Variants in GON4L observed in about 807,000 individuals in gnomAD.
GON4L encodes the protein gon-4 like, also known as GON-4-like protein.
A neutral mutation model predicts 211.8 loss-of-function variants in GON4L; 87 were observed. The ratio of observed to expected loss-of-function variants is 0.41; its 90% CI spans 0.35 to 0.49. The LOEUF (loss-of-function observed/expected upper bound fraction) is 0.49. Among genes scored for constraint, GON4L ranks in the 20% least tolerant of loss-of-function variants. The probability of loss-of-function intolerance (pLI) is 0.15; values close to 1 mark genes in which losing one functional copy is unlikely to be tolerated. For missense variants in GON4L, 2,155 were observed against 2,659.5 expected (o/e 0.81, Z 4.17); for synonymous variants, 875 against 962.6 (o/e 0.91, Z 1.68).
At chr1:155,752,692 A>G in intron 29 of GON4L, 102 bp from the exon 30 acceptor site, 1 of 1,526,684 alleles carries the variant, frequency 6.6e-7, no homozygotes, top group Non-Finnish European at 8.9e-7. Context: ...TTCTAATAAA[A>G]AAGAGGGCTG....
At chr1:155,806,374 C>T (rs1667132292) in intron 10 of GON4L, among the ~76,000 whole-genome samples, 2 of 151,832 alleles carry the variant, frequency 1.3e-5, no homozygotes, top group South Asian at 4.2e-4. Flanking sequence ...AATTCCTGAC[C>T]TCAGGTGACC....
intron 11 of GON4L, among the ~76,000 whole-genome samples, chr1:155,798,073 C>T (rs1418400325): frequency 6.7e-6 from 1 of 149,626 alleles, no homozygotes; most frequent in Non-Finnish European, 1.5e-5. Context: ...AGAGTGAGAC[C>T]CTGTCTCAAA....
intron 6 of GON4L, among the ~76,000 whole-genome samples, chr1:155,819,256 T>C (rs986301703): frequency 6.6e-6 from 1 of 151,430 alleles, no homozygotes; most frequent in African/African-American, 2.4e-5. Flanking sequence ...TGAGCCAGAA[T>C]TGTGCCACTG....
At chr1:155,790,519 G>C (rs1381508928) in intron 12 of GON4L, among the ~76,000 whole-genome samples, 1 of 152,156 alleles carries the variant, frequency 6.6e-6, no homozygotes, top group Non-Finnish European at 1.5e-5. Context: ...TGGGATTACA[G>C]ATGTTAGCCA....
chr1:155,831,202 G>T (rs907363933), intron 2 of GON4L, among the ~76,000 whole-genome samples: 4 of 152,074 alleles, frequency 2.6e-5, no homozygotes, highest in Non-Finnish European at 5.9e-5. Flanking sequence ...GGGAGGCTAA[G>T]GTGGGAGAAT....
At chr1:155,791,925 C>CATAACATAACATA (rs1557867487) in intron 12 of GON4L, among the ~76,000 whole-genome samples, 3 of 133,844 alleles carry the variant, frequency 2.2e-5, no homozygotes, top group South Asian at 4.6e-4. Flanking sequence ...AACATAACAT[C>CATAACATAACATA]ACATAACATA....
chr1:155,811,601 C>T (rs1415708231), intron 10 of GON4L, among the ~76,000 whole-genome samples: 2 of 149,446 alleles, frequency 1.3e-5, no homozygotes, highest in African/African-American at 2.5e-5. Context: ...ACTAAAAATA[C>T]AAAAAATTAG....
At chr1:155,780,147 G>C (rs1230340229) in intron 14 of GON4L, among the ~76,000 whole-genome samples, 1 of 152,164 alleles carries the variant, frequency 6.6e-6, no homozygotes, top group African/African-American at 2.4e-5. Context: ...ATGGAGAGCA[G>C]TAGGGTAATA....
At chr1:155,778,786 A>G (rs1256762428) in intron 14 of GON4L, among the ~76,000 whole-genome samples, 3 of 152,108 alleles carry the variant, frequency 2.0e-5, no homozygotes, top group South Asian at 2.1e-4. Flanking sequence ...GCTCCTACTT[A>G]TAAGTGAGAA....
At chr1:155,762,047 T>G in intron 23 of GON4L, 143 bp downstream of exon 23, 1 of 628,062 alleles carries the variant, frequency 1.6e-6, no homozygotes, top group Non-Finnish European at 2.8e-6. Flanking sequence ...GTCACAGAGA[T>G]CTTTTGCCAG....
At position 155,765,143 on chromosome 1, in the gene GON4L, T is replaced by A; in HGVS notation, c.4330A>T (p.Thr1444Ser). 1 of 1,614,018 alleles carries A rather than the reference T, an allele frequency of 6.2e-7. No individual in the cohort carries two copies. Among genetic ancestry groups the A allele is most frequent in the Non-Finnish European group, 8.5e-7 (1 of 1,179,976 alleles). Residue 1444 changes from threonine (T) to serine (S), a missense_variant, in exon 21 of 32, where the codon ACT becomes TCT. Coordinates refer to ENST00000368331, the MANE Select transcript of GON4L (RefSeq NM_001282860.2). ...CCTCCAGTTTCTGGCCCAACTGGAG[T>A]CCCCACTGACTGACCATCAACACTG... ...SSSVDGQSVG[T>S]PVGPETGGEK...
intron 2 of GON4L, among the ~76,000 whole-genome samples, chr1:155,847,735 G>A (rs1206812261): frequency 1.3e-5 from 2 of 151,890 alleles, no homozygotes; most frequent in Non-Finnish European, 2.9e-5. Context: ...TTAGCTGAGT[G>A]TGGTGGTGCA....
chr1:155,758,387 GTAATCCCA>G (rs1246305818), intron 24 of GON4L, among the ~76,000 whole-genome samples: 1 of 152,240 alleles, frequency 6.6e-6, no homozygotes, highest in Non-Finnish European at 1.5e-5. Context: ...GCTCATAGCT[GTAATCCCA>G]TGTTGGGAGG....
intron 17 of GON4L, among the ~76,000 whole-genome samples, chr1:155,774,348 G>A (rs565843683): frequency 2.8e-5 from 4 of 141,436 alleles, no homozygotes; most frequent in East Asian, 4.2e-4. Flanking sequence ...TCGCTCTGTC[G>A]CCCAGGCTGG....
rs1660759300 is a variant in GON4L, at chr1:155,752,921, T to C, written c.5842+283A>G. 2.0e-5 allele frequency among the ~76,000 whole-genome samples: 3 copies of C among 152,168 alleles called. No individual in the cohort carries two copies. In the South Asian group the frequency reaches 6.2e-4, roughly 31 times the overall value. ...TGAGAACGGCCCAGTCTTTAGGATG[T>C]AGATTACACTAGATTTGGAGACAGG... On this transcript the variant is annotated intron_variant, in intron 29 of 31. Coordinates refer to ENST00000368331, the MANE Select transcript of GON4L (RefSeq NM_001282860.2).
chr1:155,839,633 A>T (rs1670604759), intron 2 of GON4L, among the ~76,000 whole-genome samples: 1 of 151,660 alleles, frequency 6.6e-6, no homozygotes. Context: ...TCTGGGCAAC[A>T]GAATGAGACT....
At chr1:155,761,155 A>G (rs1661750016) in intron 23 of GON4L, among the ~76,000 whole-genome samples, 1 of 151,340 alleles carries the variant, frequency 6.6e-6, no homozygotes, top group Admixed American at 6.6e-5. Context: ...CACTACCAAG[A>G]AGTGGTTAGC....
Position 155,815,953 on chromosome 1 carries a change from G to A in GON4L, c.1066-53C>T, listed in dbSNP as rs139793559. On this transcript the variant is annotated intron_variant, in intron 7 of 31. Coordinates refer to ENST00000368331, the MANE Select transcript of GON4L (RefSeq NM_001282860.2). ...AAGTAATGGGAAACACAAATCATAC[G>A]TATTTGGAAAATAAGGGGAAGAAGC... 350 of 1,090,384 alleles carry A rather than the reference G, an allele frequency of 3.2e-4. No homozygotes were observed. The African/African-American group carries it at 4.7e-3, about 15-fold the overall frequency. The allele number at this position is 1,090,384 out of a possible 1,614,324, so 67.5% of individuals were successfully genotyped here.
intron 3 of GON4L, among the ~76,000 whole-genome samples, chr1:155,823,931 T>A (rs1222271734): frequency 6.6e-6 from 1 of 151,998 alleles, no homozygotes; most frequent in East Asian, 1.9e-4. Flanking sequence ...AATAAAGAAG[T>A]CTTTAGTCAT....
Sources: allele counts gnomAD v4.1 joint callset (sites outside exome capture counted in the v4.1 genomes callset), GRCh38; gene constraint gnomAD v4.1.1; transcripts MANE v1.5; gene names NCBI Gene and HGNC (gene_info 2026-07-23, HGNC 2026-07-21).